The following DLC1 variants were observed in gnomAD, a reference collection of about 807,000 sequenced individuals.
DLC1 encodes DLC1 Rho GTPase activating protein.
In DLC1, 54 loss-of-function variants were observed where a neutral mutation model predicts 140.3. That is an observed-to-expected ratio of 0.38 (90% confidence interval 0.31 to 0.48). The LOEUF (loss-of-function observed/expected upper bound fraction) is 0.48, where lower values mean the gene tolerates loss of function less well. Among genes scored for constraint, DLC1 ranks in the 20% least tolerant of loss-of-function variants. The probability of loss-of-function intolerance (pLI) is 0.96; values close to 1 mark genes in which losing one functional copy is unlikely to be tolerated. For missense variants in DLC1, 2,536 were observed against 1,907.0 expected (o/e 1.33, Z -6.14); for synonymous variants, 986 against 728.1 (o/e 1.35, Z -5.70).
chr8:13,319,354 A>T (rs879718613), intron 4 of DLC1, among the ~76,000 whole-genome samples: 48 of 151,966 alleles, frequency 3.2e-4, no homozygotes, highest in South Asian at 8.3e-4. Flanking sequence ...TTCTCTCCAC[A>T]ACTTTTCCAT....
At chr8:13,133,975 CT>C (rs1822357730) in intron 5 of DLC1, among the ~76,000 whole-genome samples, 1 of 152,192 alleles carries the variant, frequency 6.6e-6, no homozygotes, top group African/African-American at 2.4e-5. Context: ...TCGGCACGTG[CT>C]GGGGGTCACA....
chr8:13,135,927 A>G (rs1822533476), intron 5 of DLC1, among the ~76,000 whole-genome samples: 1 of 152,222 alleles, frequency 6.6e-6, no homozygotes, highest in East Asian at 1.9e-4. Context: ...AATACTAATA[A>G]TAACTCCAAA....
At position 13,115,472 on chromosome 8, in the gene DLC1, A is replaced by T. The variant is rs56332333; in HGVS notation, c.1420+114T>A. Reference sequence around the variant, plus strand: ...CTTGCATGCTTACAACATTTTTTTTAAAAATAAAACATTTAAACGATAAAA... The same window carrying T: ...CTTGCATGCTTACAACATTTTTTTTTAAAATAAAACATTTAAACGATAAAA... On this transcript the variant is annotated intron_variant, in intron 6 of 17. Coordinates refer to ENST00000276297, the MANE Select transcript of DLC1 (RefSeq NM_182643.3). 0.47 allele frequency: 488,259 copies of T among 1,047,320 alleles called. 117,217 individuals carry two copies. Among genetic ancestry groups the T allele is most frequent in the South Asian group, 0.55 (27,147 of 49,730 alleles). 64.9% of individuals were successfully genotyped at this position (1,047,320 alleles called of 1,614,324 possible).
At chr8:13,524,017 C>A (rs1217244420) in intron 1 of DLC1, among the ~76,000 whole-genome samples, 3 of 151,252 alleles carry the variant, frequency 2.0e-5, no homozygotes, top group Non-Finnish European at 1.5e-5. Context: ...GGGAGTGTGA[C>A]GCATGTGAAA....
At chr8:13,278,578 A>G (rs891705275) in intron 5 of DLC1, among the ~76,000 whole-genome samples, 3 of 152,212 alleles carry the variant, frequency 2.0e-5, no homozygotes, top group Non-Finnish European at 4.4e-5. Context: ...CAGGAACACA[A>G]AGGAAAATGC....
At chr8:13,409,025 A>T (rs965603566) in intron 2 of DLC1, among the ~76,000 whole-genome samples, 28 of 151,402 alleles carry the variant, frequency 1.8e-4, no homozygotes, top group African/African-American at 5.1e-4. Context: ...TTTTTTTTTT[A>T]AAGTCTTGTA....
chr8:13,365,315 A>G (rs998326681), intron 4 of DLC1, among the ~76,000 whole-genome samples: 2 of 152,132 alleles, frequency 1.3e-5, no homozygotes, highest in African/African-American at 2.4e-5. Context: ...AGGGCTTACT[A>G]TTATCTAAGG....
intron 2 of DLC1, among the ~76,000 whole-genome samples, chr8:13,453,524 A>G (rs185563470): frequency 2.7e-5 from 1 of 36,536 alleles, no homozygotes; most frequent in Admixed American, 3.6e-4. Context: ...ACATATATAT[A>G]TATGTATATA....
At chr8:13,289,956 A>C (rs13250216) in intron 5 of DLC1, among the ~76,000 whole-genome samples, 73,764 of 151,984 alleles carry the variant, frequency 0.49, 18,301 homozygotes, top group Non-Finnish European at 0.53. Flanking sequence ...TATGACACTT[A>C]GGGTATCTTT....
intron 1 of DLC1, among the ~76,000 whole-genome samples, chr8:13,578,929 C>T (rs1393472891): frequency 6.6e-6 from 1 of 151,916 alleles, no homozygotes; most frequent in African/African-American, 2.4e-5. Flanking sequence ...CTCCCCTCCC[C>T]AGAGGTTGAG....
intron 5 of DLC1, among the ~76,000 whole-genome samples, chr8:13,216,689 A>G (rs1828215265): frequency 1.3e-5 from 2 of 152,062 alleles, no homozygotes; most frequent in South Asian, 4.2e-4. Flanking sequence ...CAACCTCAGG[A>G]CTATGTACAG....
At chr8:13,440,161 G>A (rs543163174) in intron 2 of DLC1, among the ~76,000 whole-genome samples, 3 of 152,102 alleles carry the variant, frequency 2.0e-5, no homozygotes, top group Admixed American at 6.6e-5. Flanking sequence ...GATAGAGTAC[G>A]CATAGGTTTC....
chr8:13,142,657 A>G (rs1458718600), intron 5 of DLC1, among the ~76,000 whole-genome samples: 1 of 152,238 alleles, frequency 6.6e-6, no homozygotes, highest in Non-Finnish European at 1.5e-5. Flanking sequence ...AGTGGTAAAG[A>G]GGGTTATTAC....
chr8:13,211,678 C>A (rs1827950197), intron 5 of DLC1, among the ~76,000 whole-genome samples: 2 of 152,252 alleles, frequency 1.3e-5, no homozygotes, highest in East Asian at 1.9e-4. Context: ...CTATTAGATA[C>A]AAAACACAAT....
At chr8:13,122,059 G>C (rs1258770610) in intron 5 of DLC1, among the ~76,000 whole-genome samples, 1 of 151,974 alleles carries the variant, frequency 6.6e-6, no homozygotes, top group Non-Finnish European at 1.5e-5. Flanking sequence ...CCTCCTCACG[G>C]AACTCTGATA....
In DLC1 at chr8:13,106,206, A is replaced by G. The variant is rs61653688; in HGVS notation, c.1503-3353T>C. Among the ~76,000 whole-genome samples, 715 of 152,348 alleles carry G rather than the reference A, an allele frequency of 4.7e-3. 14 individuals are homozygous for G. Among genetic ancestry groups the G allele is most frequent in the East Asian group, 0.046 (237 of 5,184 alleles). ...ACCTGGGCCCCATTGTATTAAAAGT[A>G]AAAACAAGCCAAAAACAAAGAAGAG... is the stretch of plus-strand genomic sequence containing the variant. On this transcript the variant is annotated intron_variant, in intron 7 of 17. Transcript: ENST00000276297.
At chr8:13,197,727 A>T (rs911217607) in intron 5 of DLC1, among the ~76,000 whole-genome samples, 4 of 152,072 alleles carry the variant, frequency 2.6e-5, no homozygotes, top group Admixed American at 1.3e-4. Flanking sequence ...TATGGACTTT[A>T]TGGGGGTAAA....
intron 5 of DLC1, among the ~76,000 whole-genome samples, chr8:13,290,237 G>A (rs1831706999): frequency 6.6e-6 from 1 of 152,246 alleles, no homozygotes; most frequent in Admixed American, 6.5e-5. Context: ...GCATGTAGAG[G>A]AAGAATAATA....
In DLC1 at chr8:13,086,333, G is replaced by C. The variant is rs769989227; in HGVS notation, c.4423C>G (p.Pro1475Ala). The change falls in exon 17 of 18, where the codon CCA (proline) becomes GCA (alanine). Residue 1475 changes from proline to alanine, a missense_variant. Transcript: ENST00000276297. ...LSRYLIEPCG[P>A]GKSKLTYMCR... ...ATGTAGGTGAGTTTGGATTTTCCTG[G>C]CCCACAGGGTTCAATCAAATACCTG... is the stretch of plus-strand genomic sequence containing the variant. 3 of 1,614,064 alleles carry C rather than the reference G, an allele frequency of 1.9e-6. No individual in the cohort carries two copies. The East Asian group carries it at 6.7e-5, about 36-fold the overall frequency.
Sources: gnomAD v4.1 joint callset for allele counts (sites outside exome capture counted in the v4.1 genomes callset) on GRCh38, gnomAD v4.1.1 for gene constraint, MANE v1.5 for transcripts, NCBI Gene and HGNC (gene_info 2026-07-23, HGNC 2026-07-21) for gene names.